The following BCL2L13 variants were observed in gnomAD, a reference collection of about 807,000 sequenced individuals.
The protein encoded by BCL2L13 is bcl-2-like protein 13.
BCL2L13 carries 13 observed loss-of-function variants against 25.8 expected under a neutral mutation model. That is an observed-to-expected ratio of 0.50 (90% CI 0.33 to 0.80). BCL2L13 has a LOEUF of 0.80. Ranked by LOEUF, BCL2L13 falls within the 30% of genes least tolerant of loss-of-function variation. BCL2L13 has a pLI of 0.02. For synonymous variants in BCL2L13, 244 were observed against 230.3 expected, an observed-to-expected ratio of 1.06 and a Z score of -0.54; for missense variants, 504 against 574.9, an observed-to-expected ratio of 0.88 and a Z score of 1.26.
At chr22:17,675,158 C>G (rs1476959106) in intron 2 of BCL2L13, among the ~76,000 whole-genome samples, 2 of 152,172 alleles carry the variant, frequency 1.3e-5, no homozygotes, top group Non-Finnish European at 2.9e-5. Context: ...AATTTAGAAG[C>G]TATACTAGTT....
intron 1 of BCL2L13, among the ~76,000 whole-genome samples, chr22:17,655,065 C>CT (rs58560639): frequency 2.7e-5 from 4 of 150,568 alleles, no homozygotes; most frequent in South Asian, 2.1e-4. Flanking sequence ...TTTAAATTTT[C>CT]TTTTTTTTTT....
chr22:17,647,715 C>T (rs2058542340), intron 1 of BCL2L13, among the ~76,000 whole-genome samples: 1 of 152,176 alleles, frequency 6.6e-6, no homozygotes, highest in Non-Finnish European at 1.5e-5. Flanking sequence ...ATAAATTGTT[C>T]TTGTTTCTCC....
chr22:17,673,787 AT>A (rs1016084301), intron 2 of BCL2L13, among the ~76,000 whole-genome samples: 13 of 152,018 alleles, frequency 8.6e-5, no homozygotes, highest in African/African-American at 3.1e-4. Context: ...GGAACTTTGT[AT>A]TTTTTTAATT....
chr22:17,695,365 A>C (rs181242970), intron 4 of BCL2L13, among the ~76,000 whole-genome samples: 1 of 152,186 alleles, frequency 6.6e-6, no homozygotes, highest in East Asian at 1.9e-4. Flanking sequence ...TAAACTCCCA[A>C]CACTGGAGTT....
intron 1 of BCL2L13, among the ~76,000 whole-genome samples, chr22:17,642,997 A>G (rs1407118150): frequency 6.6e-6 from 1 of 152,190 alleles, no homozygotes; most frequent in Non-Finnish European, 1.5e-5. Context: ...ACTGAATTTT[A>G]TGTCCTCCAT....
Position 17,730,034 on chromosome 22 carries a change from T to C in BCL2L13, c.*2500T>C, listed in dbSNP as rs890191941. The C allele has an allele frequency of 7.9e-5, 12 of 152,202 alleles. No homozygotes were observed. The highest frequency in any genetic ancestry group is 1.3e-4 in the Non-Finnish European group (9 of 68,044). The allele number at this position is 152,202 out of a possible 1,614,324, so 9.4% of individuals were successfully genotyped here. On this transcript the variant is annotated 3_prime_UTR_variant, in exon 7 of 7. Transcript: ENST00000317582. ...GGCCATTCCTTCCACCTCCAACTTA[T>C]ACCCTCTAAGTCTAAGGTGAAGGAA...
At chr22:17,630,773 T>G (rs2057997742) in intron 1 of BCL2L13, among the ~76,000 whole-genome samples, 1 of 151,096 alleles carries the variant, frequency 6.6e-6, no homozygotes, top group Admixed American at 6.6e-5. Context: ...GCATTTTTAG[T>G]AGAGATGGGG....
intron 4 of BCL2L13, 22 bp from the exon 5 acceptor site, chr22:17,696,119 A>C: frequency 6.3e-7 from 1 of 1,598,524 alleles, no homozygotes; most frequent in Non-Finnish European, 8.6e-7. Context: ...TGTGACACAG[A>C]CTTTTAAAAA....
At chr22:17,712,588 G>C (rs2060793157) in intron 6 of BCL2L13, among the ~76,000 whole-genome samples, 1 of 152,156 alleles carries the variant, frequency 6.6e-6, no homozygotes, top group Non-Finnish European at 1.5e-5. Context: ...AAACAGATAA[G>C]CCTTTGGGTA....
At chr22:17,665,547 C>T (rs938966524) in intron 2 of BCL2L13, among the ~76,000 whole-genome samples, 10 of 152,120 alleles carry the variant, frequency 6.6e-5, no homozygotes, top group African/African-American at 1.4e-4. Context: ...TGGGGGAAAT[C>T]ACCCCCATGA....
upstream of BCL2L13, among the ~76,000 whole-genome samples, chr22:17,636,382 T>C (rs139360032): frequency 6.7e-6 from 1 of 149,584 alleles, no homozygotes; most frequent in East Asian, 2.0e-4. Context: ...TGGTCCTTGA[T>C]ACTTGGGAGG....
chr22:17,658,566 C>T (rs1568938245), intron 2 of BCL2L13, among the ~76,000 whole-genome samples: 2 of 151,708 alleles, frequency 1.3e-5, no homozygotes, highest in South Asian at 2.1e-4. Context: ...TGGTGGCACA[C>T]GCCTGTAATC....
At chr22:17,680,692 T>C (rs970965442) in intron 2 of BCL2L13, among the ~76,000 whole-genome samples, 6 of 151,882 alleles carry the variant, frequency 4.0e-5, no homozygotes, top group Non-Finnish European at 1.5e-5. Context: ...TCACTACGTG[T>C]GTGGGGTGGA....
chr22:17,666,775 G>A (rs2059247654), intron 2 of BCL2L13, among the ~76,000 whole-genome samples: 2 of 149,782 alleles, frequency 1.3e-5, no homozygotes, highest in South Asian at 2.1e-4. Context: ...TTTGCCTCCC[G>A]GGTCCCGGTT....
intron 1 of BCL2L13, among the ~76,000 whole-genome samples, chr22:17,644,350 G>A (rs879512935): frequency 1.5e-5 from 1 of 65,592 alleles, no homozygotes; most frequent in Non-Finnish European, 3.2e-5. Context: ...TTTTTTTTTT[G>A]AGACAGATTC....
chr22:17,725,118 A>G lies in BCL2L13; in HGVS notation c.601-1559A>G, dbSNP rs527572869. ...TTGCTTTCACTCAGACTTCCTGACA[A>G]AAGAAGCAAGAGTCTCCGTGTCTGC... On this transcript the variant is annotated intron_variant, in intron 6 of 6. Coordinates refer to ENST00000317582, the MANE Select transcript of BCL2L13 (RefSeq NM_015367.4). Among the ~76,000 whole-genome samples, 22 of 152,342 alleles carry G rather than the reference A, an allele frequency of 1.4e-4. 1 individual carries two copies. The South Asian group carries it at 4.4e-3, about 30-fold the overall frequency.
intron 2 of BCL2L13, among the ~76,000 whole-genome samples, chr22:17,669,836 C>T (rs373144309): frequency 8.5e-5 from 13 of 152,154 alleles, no homozygotes; most frequent in African/African-American, 2.9e-4. Flanking sequence ...TGTGCTGCCT[C>T]GGGACTCTGT....
At chr22:17,722,944 C>G (rs1225805536) in intron 6 of BCL2L13, among the ~76,000 whole-genome samples, 1 of 152,046 alleles carries the variant, frequency 6.6e-6, no homozygotes, top group African/African-American at 2.4e-5. Flanking sequence ...AAATGTACTT[C>G]TTTTTTAATA....
chr22:17,707,588 T>C (rs2060627302), intron 6 of BCL2L13, among the ~76,000 whole-genome samples: 2 of 152,180 alleles, frequency 1.3e-5, no homozygotes, highest in African/African-American at 4.8e-5. Context: ...CTAAGACTAC[T>C]TGTAGATGTT....
Sources: allele counts gnomAD v4.1 joint callset (sites outside exome capture counted in the v4.1 genomes callset), GRCh38; gene constraint gnomAD v4.1.1; transcripts MANE v1.5; gene names NCBI Gene and HGNC (gene_info 2026-07-23, HGNC 2026-07-21).